Variants in NKAIN2 observed in about 807,000 individuals in gnomAD.
NKAIN2 encodes the protein sodium/potassium-transporting ATPase subunit beta-1-interacting protein 2.
NKAIN2 carries 14 observed loss-of-function variants against 32.6 expected under a neutral mutation model. That is an observed-to-expected ratio of 0.43 (90% CI 0.28 to 0.67). The LOEUF is 0.67. Ranked by LOEUF, NKAIN2 falls within the 30% of genes least tolerant of loss-of-function variation. The pLI is 0.17. For synonymous variants in NKAIN2, 80 were observed against 87.2 expected (o/e 0.92, Z 0.46); for missense variants, 198 against 258.3 (o/e 0.77, Z 1.60).
intron 4 of NKAIN2, among the ~76,000 whole-genome samples, chr6:124,779,858 A>T (rs538462388): frequency 6.6e-6 from 1 of 152,274 alleles, no homozygotes; most frequent in East Asian, 1.9e-4. Context: ...GCCCAGCTGA[A>T]CTCAATTCAA....
chr6:124,764,155 C>T (rs1320983888), intron 4 of NKAIN2, among the ~76,000 whole-genome samples: 3 of 152,120 alleles, frequency 2.0e-5, no homozygotes, highest in Non-Finnish European at 4.4e-5. Context: ...GGTTCTTGAG[C>T]AGAGGTGAGA....
chr6:124,232,253 G>T (rs558763586), intron 1 of NKAIN2, among the ~76,000 whole-genome samples: 37 of 152,154 alleles, frequency 2.4e-4, no homozygotes, highest in African/African-American at 8.4e-4. Context: ...GTTAAAGGCT[G>T]TTTAATCTAT....
chr6:123,956,758 A>G (rs1040704221), intron 1 of NKAIN2, among the ~76,000 whole-genome samples: 15 of 152,162 alleles, frequency 9.9e-5, no homozygotes, highest in Non-Finnish European at 2.1e-4. Flanking sequence ...CCAAGTTACA[A>G]GTTGCGTTAG....
intron 1 of NKAIN2, among the ~76,000 whole-genome samples, chr6:124,116,880 G>T (rs4481449): frequency 6.6e-6 from 1 of 151,920 alleles, no homozygotes; most frequent in African/African-American, 2.4e-5. Context: ...GAATGATGCA[G>T]AAAAAATAAT....
At chr6:124,606,635 GAAT>G (rs1474608645) in intron 3 of NKAIN2, among the ~76,000 whole-genome samples, 5 of 151,950 alleles carry the variant, frequency 3.3e-5, no homozygotes, top group East Asian at 3.9e-4. Flanking sequence ...GATAAATGGA[GAAT>G]AATAATAATA....
At chr6:124,750,106 A>C (rs1355063529) in intron 4 of NKAIN2, among the ~76,000 whole-genome samples, 1 of 151,948 alleles carries the variant, frequency 6.6e-6, no homozygotes, top group Non-Finnish European at 1.5e-5. Context: ...CTGTGGTGCA[A>C]AATGGGATTA....
chr6:124,481,868 C>T (rs955503815), intron 3 of NKAIN2, among the ~76,000 whole-genome samples: 12 of 151,614 alleles, frequency 7.9e-5, no homozygotes, highest in South Asian at 2.1e-4. Flanking sequence ...TTTTGGCAGG[C>T]GAGGGGGAAT....
Position 123,804,004 on chromosome 6 carries a change from A to AGCT in NKAIN2, c.-194_-192dup. The stretch of plus-strand genomic sequence containing the variant: ...AGGTATGTGTGGCGGGCGCGGCTGG[A>AGCT]GCTGCCGCCGCCGCCGCCGCCGCGC... On this transcript the variant is annotated 5_prime_UTR_variant, in exon 1 of 7. Coordinates refer to ENST00000368417, the MANE Select transcript of NKAIN2 (RefSeq NM_001040214.3). The AGCT allele has an allele frequency of 1.7e-6, 1 of 596,700 alleles. No homozygotes were observed. Among genetic ancestry groups the AGCT allele is most frequent in the Non-Finnish European group, 3.0e-6 (1 of 334,758 alleles). The allele number at this position is 596,700 out of a possible 1,614,324, so 37.0% of individuals were successfully genotyped here.
At chr6:124,194,680 G>C (rs1029738591) in intron 1 of NKAIN2, among the ~76,000 whole-genome samples, 1 of 151,824 alleles carries the variant, frequency 6.6e-6, no homozygotes, top group African/African-American at 2.4e-5. Flanking sequence ...CATAGTACAC[G>C]ATGCTATATT....
At chr6:124,334,741 C>T (rs1025153740) in intron 2 of NKAIN2, among the ~76,000 whole-genome samples, 1 of 152,086 alleles carries the variant, frequency 6.6e-6, no homozygotes, top group Non-Finnish European at 1.5e-5. Context: ...CTCGCCAGAA[C>T]TTCTAATTTG....
At position 124,712,008 on chromosome 6, in the gene NKAIN2, T is replaced by C. The variant is rs534492846; in HGVS notation, c.474+53622T>C. Among the ~76,000 whole-genome samples, 641 of 152,022 alleles carry C rather than the reference T, an allele frequency of 4.2e-3. 3 individuals carry two copies. Among genetic ancestry groups the C allele is most frequent in the South Asian group, 0.029 (139 of 4,814 alleles). The stretch of plus-strand genomic sequence containing the variant: ...ACAGATGGGTTTTTGGTGTGGATGT[T>C]CTTTCTGTTTGTTAGTTTTCCTTCT... On this transcript the variant is annotated intron_variant, in intron 4 of 6. Transcript: ENST00000368417.
chr6:124,731,236 A>G (rs1373958146), intron 4 of NKAIN2, among the ~76,000 whole-genome samples: 1 of 134,554 alleles, frequency 7.4e-6, no homozygotes, highest in East Asian at 2.3e-4. Context: ...ACTATAAATC[A>G]TGCTGCTATA....
At chr6:124,406,001 C>A (rs1773840472) in intron 3 of NKAIN2, among the ~76,000 whole-genome samples, 1 of 97,962 alleles carries the variant, frequency 1.0e-5, no homozygotes, top group Non-Finnish European at 2.2e-5. Flanking sequence ...CCAATTCATT[C>A]ATTACCACCA....
intron 1 of NKAIN2, among the ~76,000 whole-genome samples, chr6:124,034,236 C>T (rs548492062): frequency 2.0e-5 from 3 of 152,108 alleles, no homozygotes; most frequent in Non-Finnish European, 4.4e-5. Flanking sequence ...ACTGGGTAAA[C>T]ATAGTACCCA....
At position 124,229,351 on chromosome 6, in the gene NKAIN2, T is replaced by C. The variant is rs192267519; in HGVS notation, c.55-53654T>C. On this transcript the variant is annotated intron_variant, in intron 1 of 6. Transcript: ENST00000368417. ...CCTAGCCATGAAGATATATGGACTA[T>C]GTGAAGGGCAATCTGTAGTCACTAA... Among the ~76,000 whole-genome samples the C allele has an allele frequency of 2.0e-5, 3 of 152,262 alleles. No individual in the cohort carries two copies. The East Asian group carries it at 5.8e-4, about 29-fold the overall frequency.
intron 1 of NKAIN2, among the ~76,000 whole-genome samples, chr6:123,910,499 G>GTTTTTTTTTTT (rs35165515): frequency 1.1e-4 from 9 of 81,314 alleles, no homozygotes; most frequent in Non-Finnish European, 1.5e-4. Context: ...TGCAATGCAT[G>GTTTTTTTTTTT]TTTTTTTTTT....
intron 1 of NKAIN2, among the ~76,000 whole-genome samples, chr6:124,149,930 C>G (rs1030572617): frequency 5.3e-5 from 8 of 152,116 alleles, no homozygotes; most frequent in African/African-American, 1.7e-4. Context: ...GCCAACACAA[C>G]CTGTAGGTAA....
At chr6:123,900,532 G>GGTT in intron 1 of NKAIN2, among the ~76,000 whole-genome samples, 1 of 32,764 alleles carries the variant, frequency 3.1e-5, no homozygotes, top group Non-Finnish European at 1.1e-4. Flanking sequence ...CTCCAGATTA[G>GGTT]TTTTTTTTTT....
intron 3 of NKAIN2, among the ~76,000 whole-genome samples, chr6:124,365,406 G>T (rs1253037413): frequency 6.6e-6 from 1 of 151,432 alleles, no homozygotes; most frequent in Non-Finnish European, 1.5e-5. Context: ...TATAAGATGA[G>T]GTAATGTTTA....
Sources: gnomAD v4.1 joint callset for allele counts (sites outside exome capture counted in the v4.1 genomes callset) on GRCh38, gnomAD v4.1.1 for gene constraint, MANE v1.5 for transcripts, NCBI Gene and HGNC (gene_info 2026-07-23, HGNC 2026-07-21) for gene names.